UBE2R2: variants seen among roughly 807,000 people sequenced by gnomAD.
UBE2R2 encodes the protein ubiquitin-conjugating enzyme E2 R2.
A neutral mutation model predicts 27.8 loss-of-function variants in UBE2R2; 1 was observed. The observed-to-expected ratio is 0.04, with a 90% CI of 0.01 to 0.17. The LOEUF (loss-of-function observed/expected upper bound fraction) is 0.17, where lower values mean the gene tolerates loss of function less well. Among genes scored for constraint, UBE2R2 ranks in the 10% least tolerant of loss-of-function variants. UBE2R2 has a pLI of 1.00. For missense variants in UBE2R2, 100 were observed against 291.0 expected, an observed-to-expected ratio of 0.34 and a Z score of 4.78; for synonymous variants, 106 against 113.3, an observed-to-expected ratio of 0.94 and a Z score of 0.41.
upstream of UBE2R2, among the ~76,000 whole-genome samples, chr9:33,816,117 G>A (rs1251960004): frequency 6.6e-6 from 1 of 152,182 alleles, no homozygotes; most frequent in Admixed American, 6.5e-5. Flanking sequence ...GATACAGGGA[G>A]AAGTAATGGA....
intron 2 of UBE2R2, 62 bp from the exon 3 acceptor site, chr9:33,900,112 G>C (rs952337080): frequency 7.5e-7 from 1 of 1,330,896 alleles, no homozygotes; most frequent in South Asian, 1.2e-5. Context: ...CTTTAGAACC[G>C]ATGTCCCTTT....
At chr9:33,910,836 C>T (rs1475057218) in intron 3 of UBE2R2, among the ~76,000 whole-genome samples, 3 of 152,210 alleles carry the variant, frequency 2.0e-5, no homozygotes, top group Admixed American at 2.0e-4. Context: ...GGTGCGGTGG[C>T]TCATGCCTGT....
At chr9:33,846,333 T>C (rs1452316961) in intron 1 of UBE2R2, among the ~76,000 whole-genome samples, 1 of 152,134 alleles carries the variant, frequency 6.6e-6, no homozygotes, top group Non-Finnish European at 1.5e-5. Flanking sequence ...GCTACTATTT[T>C]CCCGTGAGTT....
chr9:33,918,052 A>G lies in UBE2R2; in HGVS notation c.*815A>G, dbSNP rs1405347113. 6.5e-6 allele frequency: 1 copy of G among 153,680 alleles called. No homozygotes were observed. Among genetic ancestry groups the G allele is most frequent in the Non-Finnish European group, 1.5e-5 (1 of 68,048 alleles). The allele number at this position is 153,680 out of a possible 1,614,324, so 9.5% of individuals were successfully genotyped here. ...TTATTTCCCCCCAGGGAGTGGGGCA[A>G]GCGGGGAAGTTGGGATGAGTGCGTG... On this transcript the variant is annotated 3_prime_UTR_variant, in exon 5 of 5. Coordinates refer to ENST00000263228, the MANE Select transcript of UBE2R2 (RefSeq NM_017811.4).
intron 1 of UBE2R2, among the ~76,000 whole-genome samples, chr9:33,847,392 G>C (rs1282130815): frequency 6.6e-6 from 1 of 152,122 alleles, no homozygotes; most frequent in Non-Finnish European, 1.5e-5. Context: ...ACTGCGCCCG[G>C]CCCTGGCTTG....
intron 3 of UBE2R2, among the ~76,000 whole-genome samples, chr9:33,906,113 CTGTTGTTGT>C (rs3060468): frequency 1.5e-4 from 22 of 151,280 alleles, no homozygotes; most frequent in African/African-American, 4.6e-4. Context: ...GTCGTTGTTG[CTGTTGTTGT>C]TGTTGTTGTT....
At chr9:33,856,888 C>CTTTT (rs140169417) in intron 1 of UBE2R2, among the ~76,000 whole-genome samples, 2 of 82,322 alleles carry the variant, frequency 2.4e-5, no homozygotes, top group African/African-American at 4.5e-5. Context: ...CTTCCTTTCA[C>CTTTT]TTTTTTTTTT....
chr9:33,900,088 A>C (rs1404253129), intron 2 of UBE2R2, 86 bp from the exon 3 acceptor site: 2 of 963,332 alleles, frequency 2.1e-6, no homozygotes, highest in Non-Finnish European at 3.2e-6. Flanking sequence ...AACAGTTTCT[A>C]GGAATAAAGG....
chr9:33,911,127 G>A (rs879351201), intron 3 of UBE2R2, among the ~76,000 whole-genome samples: 6 of 151,252 alleles, frequency 4.0e-5, no homozygotes, highest in East Asian at 2.0e-4. Context: ...ACAAAAAAAC[G>A]GCCGGGCGTA....
At position 33,917,570 on chromosome 9, in the gene UBE2R2, TA is replaced by T; in HGVS notation, c.*334del. On this transcript the variant is annotated 3_prime_UTR_variant, in exon 5 of 5. Coordinates refer to ENST00000263228, the MANE Select transcript of UBE2R2 (RefSeq NM_017811.4). ...CAGCAAAACACGTTTGGTCTGTTTT[TA>T]GATTCTTGAAGAATTCAATAGTCTT... 6 of 481,008 alleles carry T rather than the reference TA, an allele frequency of 1.2e-5. No homozygotes were observed. In the South Asian group the frequency reaches 2.8e-4, roughly 22 times the overall value. 29.8% of individuals were successfully genotyped at this position (481,008 alleles called of 1,614,324 possible). A position where few individuals can be genotyped will look rare whatever the true frequency, so the allele number is the denominator to read the frequency against.
chr9:33,840,167 C>CT (rs1563984677), intron 1 of UBE2R2, among the ~76,000 whole-genome samples: 2 of 151,934 alleles, frequency 1.3e-5, no homozygotes, highest in African/African-American at 4.8e-5. Flanking sequence ...TCCCCTTTTT[C>CT]TTTTTTTAAA....
intron 3 of UBE2R2, among the ~76,000 whole-genome samples, chr9:33,905,655 C>G (rs940272358): frequency 2.6e-5 from 4 of 152,128 alleles, no homozygotes; most frequent in African/African-American, 4.8e-5. Flanking sequence ...AATGTAAACC[C>G]GTTAAGCTAC....
chr9:33,833,290 C>T (rs1184973046), intron 1 of UBE2R2, among the ~76,000 whole-genome samples: 2 of 152,294 alleles, frequency 1.3e-5, no homozygotes, highest in African/African-American at 4.8e-5. Context: ...TGGTCTTGAT[C>T]TCCTGACCTC....
rs564179452 is a variant in UBE2R2, at chr9:33,863,467, A to G, written c.178-23414A>G. The stretch of plus-strand genomic sequence containing the variant: ...GCAGAGGTTGCAGTGAGCCGAGATC[A>G]AGATTGCGTTGCCAGTGTACTTCAG... On this transcript the variant is annotated intron_variant, in intron 1 of 4. Coordinates refer to ENST00000263228, the MANE Select transcript of UBE2R2 (RefSeq NM_017811.4). 4.6e-5 allele frequency among the ~76,000 whole-genome samples: 7 copies of G among 152,144 alleles called. No homozygotes were observed. The East Asian group carries it at 1.4e-3, about 29-fold the overall frequency.
intron 2 of UBE2R2, among the ~76,000 whole-genome samples, chr9:33,890,413 A>C (rs1821953412): frequency 6.6e-6 from 1 of 152,182 alleles, no homozygotes; most frequent in Non-Finnish European, 1.5e-5. Flanking sequence ...CTAAAAATAC[A>C]AACATCAGCT....
At chr9:33,879,590 AT>A (rs1365747638) in intron 1 of UBE2R2, among the ~76,000 whole-genome samples, 2 of 151,636 alleles carry the variant, frequency 1.3e-5, no homozygotes, top group African/African-American at 2.4e-5. Flanking sequence ...AGTAGCTGGG[AT>A]TACAGGCACG....
At chr9:33,854,565 G>T (rs1330896909) in intron 1 of UBE2R2, among the ~76,000 whole-genome samples, 6 of 151,504 alleles carry the variant, frequency 4.0e-5, no homozygotes, top group Non-Finnish European at 7.4e-5. Flanking sequence ...TACGTGATCC[G>T]CCTGCTTCGG....
At chr9:33,828,150 A>G (rs1007114295) in intron 1 of UBE2R2, among the ~76,000 whole-genome samples, 4 of 151,484 alleles carry the variant, frequency 2.6e-5, no homozygotes, top group Admixed American at 2.0e-4. Context: ...TGAAAATACA[A>G]AATTAGCTGG....
chr9:33,896,582 AC>A (rs1350655636), intron 2 of UBE2R2, among the ~76,000 whole-genome samples: 1 of 150,028 alleles, frequency 6.7e-6, no homozygotes, highest in African/African-American at 2.5e-5. Context: ...AGCTGGGACT[AC>A]CGGCGCTGTG....
Sources: gnomAD v4.1 joint callset for allele counts (sites outside exome capture counted in the v4.1 genomes callset) on GRCh38, gnomAD v4.1.1 for gene constraint, MANE v1.5 for transcripts, NCBI Gene and HGNC (gene_info 2026-07-23, HGNC 2026-07-21) for gene names.